The following GLT6D1 variants were observed in gnomAD, a reference collection of about 807,000 sequenced individuals.
GLT6D1 encodes the protein glycosyltransferase 6 domain containing 1, also known as putative glycosyltransferase 6 domain-containing protein 1.
A neutral mutation model predicts 12.3 loss-of-function variants in GLT6D1; 9 were observed. The ratio of observed to expected loss-of-function variants is 0.73; its 90% confidence interval spans 0.44 to 1.27. The LOEUF is 1.27. GLT6D1 is among the 50% of genes most tolerant of loss of function. The pLI, the probability that GLT6D1 is intolerant of heterozygous loss-of-function variation, is 0.00. For missense variants in GLT6D1, 335 were observed against 346.2 expected (o/e 0.97, Z 0.26); for synonymous variants, 128 against 132.3 (o/e 0.97, Z 0.23).
chr9:135,633,146 C>CCATT (rs1206807729), intron 2 of GLT6D1, among the ~76,000 whole-genome samples: 1 of 152,198 alleles, frequency 6.6e-6, no homozygotes, highest in Non-Finnish European at 1.5e-5. Flanking sequence ...GCCTCTCTTG[C>CCATT]CATTAGTACC....
intron 2 of GLT6D1, among the ~76,000 whole-genome samples, chr9:135,637,505 C>G (rs967025447): frequency 1.2e-4 from 18 of 151,928 alleles, no homozygotes; most frequent in Non-Finnish European, 2.9e-5. Flanking sequence ...TGCATTCCCA[C>G]CAGCAATGAA....
Position 135,639,109 on chromosome 9 carries a change from A to G in GLT6D1, c.71+8T>C. On this transcript the variant is annotated splice_region_variant and intron_variant, in intron 2 of 4. Coordinates refer to ENST00000371763, the MANE Select transcript of GLT6D1 (RefSeq NM_182974.3). ...AAAGATCATGATTTATCAATACTTTATATTTACCTGAAATAACGCTCAACC... is the reference window on the plus strand; with the variant it reads ...AAAGATCATGATTTATCAATACTTTGTATTTACCTGAAATAACGCTCAACC... 1 of 1,462,584 alleles carries G rather than the reference A, an allele frequency of 6.8e-7. No individual in the cohort carries two copies. Among genetic ancestry groups the G allele is most frequent in the Non-Finnish European group, 9.6e-7 (1 of 1,044,662 alleles). 90.6% of individuals were successfully genotyped at this position (1,462,584 alleles called of 1,614,324 possible). A position where few individuals can be genotyped will look rare whatever the true frequency, so the allele number is the denominator to read the frequency against.
chr9:135,630,861 A>G (rs1030229914), intron 3 of GLT6D1, among the ~76,000 whole-genome samples: 1 of 152,170 alleles, frequency 6.6e-6, no homozygotes, highest in Non-Finnish European at 1.5e-5. Flanking sequence ...AAATGGTACC[A>G]TTATTAAAAG....
intron 2 of GLT6D1, among the ~76,000 whole-genome samples, chr9:135,635,150 T>C (rs1833744666): frequency 6.6e-6 from 1 of 152,212 alleles, no homozygotes; most frequent in Non-Finnish European, 1.5e-5. Context: ...CCTCCAATCA[T>C]TCATTTACAT....
intron 4 of GLT6D1, among the ~76,000 whole-genome samples, chr9:135,625,191 C>T (rs1182680687): frequency 6.6e-6 from 1 of 152,048 alleles, no homozygotes; most frequent in African/African-American, 2.4e-5. Flanking sequence ...GAAGGAATGT[C>T]CTGACCTGGA....
chr9:135,633,932 G>A (rs10858143), intron 2 of GLT6D1, among the ~76,000 whole-genome samples: 66,979 of 152,024 alleles, frequency 0.44, 15,096 homozygotes, highest in East Asian at 0.59. Flanking sequence ...CTGTGGTTCC[G>A]GGGTAGATGG....
intron 3 of GLT6D1, among the ~76,000 whole-genome samples, chr9:135,629,484 G>C (rs1329604278): frequency 6.6e-6 from 1 of 151,984 alleles, no homozygotes; most frequent in African/African-American, 2.4e-5. Flanking sequence ...AACATACTTT[G>C]TATGATTTCA....
intron 2 of GLT6D1, among the ~76,000 whole-genome samples, chr9:135,631,754 C>T (rs1833654493): frequency 6.6e-6 from 1 of 151,998 alleles, no homozygotes; most frequent in Non-Finnish European, 1.5e-5. Flanking sequence ...AGGAGATGAA[C>T]AGATCAGCTA....
chr9:135,634,713 C>CT lies in GLT6D1; in HGVS notation c.72-3236dup, dbSNP rs201288860. ...ATTTTCTTGTTTTCCCCTAATGTCT[C>CT]TTTTTTTTTCAGGATCCCACCCAGC... On this transcript the variant is annotated intron_variant, in intron 2 of 4. Coordinates refer to ENST00000371763, the MANE Select transcript of GLT6D1 (RefSeq NM_182974.3). Among the ~76,000 whole-genome samples the CT allele has an allele frequency of 2.1e-3, 315 of 150,296 alleles. 2 individuals carry two copies. Among genetic ancestry groups the CT allele is most frequent in the African/African-American group, 7.1e-3 (292 of 40,932 alleles).
At chr9:135,634,546 G>A (rs866702475) in intron 2 of GLT6D1, among the ~76,000 whole-genome samples, 15 of 137,312 alleles carry the variant, frequency 1.1e-4, no homozygotes, top group African/African-American at 2.4e-4. Context: ...TTACAAAAAC[G>A]TTCTAAAGCT....
rs956321468 is a variant in GLT6D1 at position 135,639,334 on chromosome 9, C to T, written c.-48G>A. ...AGAATGTTCAGCTGGCAGGAGACAG[C>T]GACTTGAGTTAGGGAAGCCTCTGTT... is the stretch of plus-strand genomic sequence containing the variant. On this transcript the variant is annotated 5_prime_UTR_variant, in exon 1 of 5. Transcript: ENST00000371763. 1.3e-5 allele frequency: 7 copies of T among 529,530 alleles called. No homozygotes were observed. The highest frequency in any genetic ancestry group is 5.8e-5 in the African/African-American group (3 of 51,340). The allele number at this position is 529,530 out of a possible 1,614,324, so 32.8% of individuals were successfully genotyped here.
intron 2 of GLT6D1, among the ~76,000 whole-genome samples, chr9:135,637,442 A>G (rs1445943866): frequency 2.0e-5 from 3 of 151,904 alleles, no homozygotes; most frequent in Non-Finnish European, 4.4e-5. Context: ...ATAAGGCTCT[A>G]TCTAGCTTTC....
chr9:135,628,809 T>A (rs1002613930), intron 3 of GLT6D1, among the ~76,000 whole-genome samples: 1 of 152,098 alleles, frequency 6.6e-6, no homozygotes, highest in African/African-American at 2.4e-5. Context: ...TTCTAGGAAT[T>A]TCTTCATTTC....
intron 3 of GLT6D1, among the ~76,000 whole-genome samples, chr9:135,627,399 A>T (rs909737372): frequency 6.6e-6 from 1 of 152,226 alleles, no homozygotes; most frequent in African/African-American, 2.4e-5. Flanking sequence ...AAGAAAATGA[A>T]ATACTTTGAT....
rs11103121 is a variant in GLT6D1, at chr9:135,637,982, C to T, written c.71+1135G>A. Among the ~76,000 whole-genome samples, 1,203 of 152,154 alleles carry T rather than the reference C, an allele frequency of 7.9e-3. 6 individuals carry two copies. The highest frequency in any genetic ancestry group is 0.014 in the Non-Finnish European group (934 of 68,006). On this transcript the variant is annotated intron_variant, in intron 2 of 4. Coordinates refer to ENST00000371763, the MANE Select transcript of GLT6D1 (RefSeq NM_182974.3). ...AAGCTAGAATTTGAGTTTTTCTAGA[C>T]GGGAAAATATTAGCAGGTGTATTAG...
intron 3 of GLT6D1, among the ~76,000 whole-genome samples, chr9:135,629,615 G>A (rs751748842): frequency 9.9e-5 from 15 of 152,182 alleles, no homozygotes; most frequent in African/African-American, 1.4e-4. Flanking sequence ...GTGAGGCCTC[G>A]TTTGTAGTAT....
At chr9:135,626,353 C>G in intron 3 of GLT6D1, 147 bp from the exon 4 acceptor site, 1 of 797,882 alleles carries the variant, frequency 1.3e-6, no homozygotes, top group South Asian at 1.8e-5. Flanking sequence ...TTCATCCTTG[C>G]AACGCCCTAT....
chr9:135,625,481 C>A (rs1222832519), intron 4 of GLT6D1, among the ~76,000 whole-genome samples: 1 of 152,188 alleles, frequency 6.6e-6, no homozygotes, highest in Admixed American at 6.5e-5. Flanking sequence ...GCCTGCTTGT[C>A]GGCCTCCTGC....
chr9:135,630,485 C>T (rs568506741), intron 3 of GLT6D1, among the ~76,000 whole-genome samples: 2 of 151,084 alleles, frequency 1.3e-5, no homozygotes, highest in African/African-American at 4.9e-5. Flanking sequence ...CTCGGGAGGC[C>T]GAGGCAGGTG....
Sources: allele counts gnomAD v4.1 joint callset (sites outside exome capture counted in the v4.1 genomes callset), GRCh38; gene constraint gnomAD v4.1.1; transcripts MANE v1.5; gene names NCBI Gene and HGNC (gene_info 2026-07-23, HGNC 2026-07-21).